KIF26B: variants seen among roughly 807,000 people sequenced by gnomAD.
KIF26B encodes kinesin-like protein KIF26B.
In KIF26B, 63 loss-of-function variants were observed where a neutral mutation model predicts 151.2. The ratio of observed to expected loss-of-function variants is 0.42; its 90% CI spans 0.34 to 0.51. The LOEUF (loss-of-function observed/expected upper bound fraction) is 0.51, where lower values mean the gene tolerates loss of function less well. Ranked by LOEUF, KIF26B falls within the 20% of genes least tolerant of loss-of-function variation. KIF26B has a pLI of 0.07. For synonymous variants in KIF26B, 1,357 were observed against 1,262.1 expected (o/e 1.08, Z -1.59); for missense variants, 2,813 against 2,913.6 (o/e 0.97, Z 0.79).
At chr1:245,649,079 C>T (rs910675862) in intron 10 of KIF26B, among the ~76,000 whole-genome samples, 2 of 152,208 alleles carry the variant, frequency 1.3e-5, no homozygotes, top group Non-Finnish European at 2.9e-5. Context: ...TTGGCCAGTG[C>T]GTTTGTTCTG....
At chr1:245,545,416 A>G (rs1206216375) in intron 5 of KIF26B, among the ~76,000 whole-genome samples, 4 of 152,168 alleles carry the variant, frequency 2.6e-5, no homozygotes, top group African/African-American at 9.7e-5. Flanking sequence ...GCAAATATTT[A>G]TTAAGCACCT....
intron 2 of KIF26B, among the ~76,000 whole-genome samples, chr1:245,303,413 T>C (rs979668010): frequency 5.3e-5 from 8 of 150,722 alleles, no homozygotes; most frequent in Non-Finnish European, 1.0e-4. Flanking sequence ...TTAGCCAGGA[T>C]GGTCTCGATC....
intron 4 of KIF26B, among the ~76,000 whole-genome samples, chr1:245,433,780 C>G (rs1093918): frequency 0.9 from 137,232 of 152,134 alleles, 62,027 homozygotes; most frequent in East Asian, 1. Context: ...ACTGAGATTC[C>G]GGAAATATAA....
At chr1:245,349,858 T>A (rs1203138714) in intron 2 of KIF26B, among the ~76,000 whole-genome samples, 1 of 152,184 alleles carries the variant, frequency 6.6e-6, no homozygotes, top group Admixed American at 6.5e-5. Flanking sequence ...TTGTTTCAAG[T>A]ATAATGAACA....
chr1:245,278,469 T>G (rs535358616), intron 2 of KIF26B, among the ~76,000 whole-genome samples: 4 of 152,332 alleles, frequency 2.6e-5, no homozygotes, highest in African/African-American at 9.6e-5. Flanking sequence ...TCGATAGCCT[T>G]GACATAAAGG....
intron 2 of KIF26B, among the ~76,000 whole-genome samples, chr1:245,304,941 G>T (rs754992205): frequency 1.3e-5 from 2 of 152,150 alleles, no homozygotes; most frequent in Non-Finnish European, 2.9e-5. Context: ...GTGCCAGCTT[G>T]CCCAGGCCCA....
At chr1:245,544,180 C>A (rs866447577) in intron 5 of KIF26B, among the ~76,000 whole-genome samples, 3 of 152,124 alleles carry the variant, frequency 2.0e-5, no homozygotes, top group Admixed American at 1.3e-4. Context: ...GGAAAAATTT[C>A]CATCAATTTA....
At chr1:245,344,900 C>T (rs1423035205) in intron 2 of KIF26B, among the ~76,000 whole-genome samples, 1 of 151,878 alleles carries the variant, frequency 6.6e-6, no homozygotes, top group Non-Finnish European at 1.5e-5. Flanking sequence ...CAGGTGATAC[C>T]GCTTCTTTCC....
chr1:245,234,922 A>T (rs552547944), intron 2 of KIF26B, among the ~76,000 whole-genome samples: 1 of 152,184 alleles, frequency 6.6e-6, no homozygotes, highest in Non-Finnish European at 1.5e-5. Context: ...GGTGGCACAC[A>T]GGCTGGCTCT....
In KIF26B at chr1:245,190,974, G is replaced by A. The variant is rs190740102; in HGVS notation, c.465+34291G>A. 8.3e-4 allele frequency among the ~76,000 whole-genome samples: 113 copies of A among 135,602 alleles called. No homozygotes were observed. In the East Asian group the frequency reaches 0.025, roughly 30 times the overall value. 89.0% of individuals were successfully genotyped at this position (135,602 alleles called of 152,430 possible). On this transcript the variant is annotated intron_variant, in intron 2 of 14. Transcript: ENST00000407071. ...CTCGGGAGGCTGAGGCTGGAGAATC[G>A]CTTGAACCTGGGAGGCGGAGGTTGC...
In KIF26B at chr1:245,516,136, G is replaced by A. The variant is rs1011303939; in HGVS notation, c.1167-24631G>A. Among the ~76,000 whole-genome samples the A allele has an allele frequency of 1.3e-5, 2 of 152,072 alleles. No individual in the cohort carries two copies. Among genetic ancestry groups the A allele is most frequent in the Admixed American group, 1.3e-4 (2 of 15,276 alleles). On this transcript the variant is annotated intron_variant, in intron 4 of 14. Transcript: ENST00000407071. The surrounding 1 kb of genome is among the most constrained non-coding windows in gnomAD (Gnocchi z 4.2). ...ATCCAGGACTAAAGAGAATGGCACC[G>A]TATTGCTCTCTCTTTCTGAACCCGG...
At chr1:245,195,737 C>G (rs779020078) in intron 2 of KIF26B, among the ~76,000 whole-genome samples, 23 of 152,124 alleles carry the variant, frequency 1.5e-4, no homozygotes, top group Admixed American at 4.6e-4. Context: ...TGTTTTGTTC[C>G]TCTTAAAGAG....
chr1:245,464,184 C>CT (rs1659712617), intron 4 of KIF26B, among the ~76,000 whole-genome samples: 4 of 152,344 alleles, frequency 2.6e-5, no homozygotes, highest in South Asian at 2.1e-4. Context: ...ATGCTGGTCT[C>CT]TGATTCCAAA....
intron 5 of KIF26B, among the ~76,000 whole-genome samples, chr1:245,596,801 GC>G (rs1274725354): frequency 6.6e-6 from 1 of 152,082 alleles, no homozygotes; most frequent in African/African-American, 2.4e-5. Context: ...AATTTGCTTT[GC>G]GAATCTGGGT....
intron 2 of KIF26B, among the ~76,000 whole-genome samples, chr1:245,355,997 G>T (rs530015255): frequency 2.0e-5 from 3 of 152,050 alleles, no homozygotes; most frequent in Admixed American, 6.5e-5. Flanking sequence ...CTGGGTGCTC[G>T]TCAGCACGCA....
At position 245,686,643 on chromosome 1, in the gene KIF26B, G is replaced by T. The variant is rs533670090; in HGVS notation, c.3660G>T (p.Arg1220=). ...GCTTCAACAGCGACTGCTCTGCACG[G>T]GCCCTGGCCTCGGGCTCGCGGCCCG... is the stretch of plus-strand genomic sequence containing the variant. ...IISFNSDCSA[R]ALASGSRPVS... Residue 1220 remains arginine (R), a synonymous_variant, in exon 12 of 15, where the codon CGG becomes CGT. Transcript: ENST00000407071. This position sits in a 1 kb window ranked among gnomAD's most constrained non-coding sequence, Gnocchi z 5.6. 1 of 1,611,154 alleles carries T rather than the reference G, an allele frequency of 6.2e-7. No homozygotes were observed. The highest frequency in any genetic ancestry group is 8.5e-7 in the Non-Finnish European group (1 of 1,178,960).
chr1:245,602,464 C>A lies in KIF26B; in HGVS notation c.1351-113C>A. The A allele has an allele frequency of 1.3e-6, 1 of 772,600 alleles. No individual in the cohort carries two copies. 47.9% of individuals were successfully genotyped at this position (772,600 alleles called of 1,614,324 possible). A position where few individuals can be genotyped will look rare whatever the true frequency, so the allele number is the denominator to read the frequency against. The stretch of plus-strand genomic sequence containing the variant: ...ACTGTGCATTTCATCATAATTTATC[C>A]TGAGAAAGTTCAGTGCTGCCATGTG... On this transcript the variant is annotated intron_variant, in intron 5 of 14. Coordinates refer to ENST00000407071, the MANE Select transcript of KIF26B (RefSeq NM_018012.4). This position sits in a 1 kb window ranked among gnomAD's most constrained non-coding sequence, Gnocchi z 4.5.
intron 2 of KIF26B, among the ~76,000 whole-genome samples, chr1:245,252,463 G>A (rs1035380945): frequency 2.0e-4 from 30 of 151,976 alleles, no homozygotes; most frequent in Non-Finnish European, 1.0e-4. Context: ...TACTGTGAAT[G>A]GATTGTTCTT....
At chr1:245,266,475 A>G (rs1670748072) in intron 2 of KIF26B, among the ~76,000 whole-genome samples, 1 of 151,788 alleles carries the variant, frequency 6.6e-6, no homozygotes, top group South Asian at 2.1e-4. Context: ...CAGGATTTGA[A>G]TCCATCTTTT....
Sources: allele counts gnomAD v4.1 joint callset (sites outside exome capture counted in the v4.1 genomes callset), GRCh38; gene constraint gnomAD v4.1.1; non-coding constraint Gnocchi (gnomAD v3.1); transcripts MANE v1.5; gene names NCBI Gene and HGNC (gene_info 2026-07-23, HGNC 2026-07-21).